Variants in ACTR3C observed in about 807,000 individuals in gnomAD.
ACTR3C encodes actin-related protein 3C.
ACTR3C carries 18 observed loss-of-function variants against 26.3 expected under a neutral mutation model. The observed-to-expected ratio is 0.68, with a 90% CI of 0.47 to 1.01. The LOEUF (loss-of-function observed/expected upper bound fraction) is 1.01. ACTR3C is among the 50% of genes least tolerant of loss of function. ACTR3C has a pLI of 0.00. For synonymous variants in ACTR3C, 55 were observed against 94.5 expected, an observed-to-expected ratio of 0.58 and a Z score of 2.42; for missense variants, 184 against 250.7, an observed-to-expected ratio of 0.73 and a Z score of 1.80.
chr7:149,929,140 C>T, the ACTR3C span, among the ~76,000 whole-genome samples: 1 of 152,140 alleles, frequency 6.6e-6, no homozygotes, highest in South Asian at 2.1e-4. Context: ...GCAAGAATCA[C>T]CAATGGACCA....
At chr7:150,278,616 C>A (rs1177126553) in intron 6 of ACTR3C, among the ~76,000 whole-genome samples, 1 of 152,240 alleles carries the variant, frequency 6.6e-6, no homozygotes, top group East Asian at 1.9e-4. Flanking sequence ...CCATCCACAT[C>A]TCCACCGGCC....
the ACTR3C span, among the ~76,000 whole-genome samples, chr7:150,018,940 C>T: frequency 6.6e-6 from 1 of 150,410 alleles, no homozygotes; most frequent in East Asian, 1.9e-4. Flanking sequence ...TACATATGCA[C>T]TGAAGTTTGA....
chr7:149,906,459 C>T, the ACTR3C span, among the ~76,000 whole-genome samples: 7 of 124,734 alleles, frequency 5.6e-5, no homozygotes, highest in East Asian at 2.1e-4. Flanking sequence ...TTAGATGGAG[C>T]CTCACTCTGT....
chr7:150,106,037 G>GA, the ACTR3C span, among the ~76,000 whole-genome samples: 9 of 151,990 alleles, frequency 5.9e-5, no homozygotes, highest in Admixed American at 2.0e-4. Context: ...AAACAAAACA[G>GA]AAAAATAAGC....
chr7:150,222,438 G>A, the ACTR3C span, among the ~76,000 whole-genome samples: 1 of 152,228 alleles, frequency 6.6e-6, no homozygotes, highest in African/African-American at 2.4e-5. Context: ...ATAGTAGTAG[G>A]TGTTCATCAG....
At chr7:150,310,947 G>A (rs73170169) in intron 1 of ACTR3C, among the ~76,000 whole-genome samples, 29,931 of 151,952 alleles carry the variant, frequency 0.2, 3,795 homozygotes, top group East Asian at 0.31. Flanking sequence ...TCTCGGCATA[G>A]TCCTCCATCA....
chr7:150,176,818 A>G, the ACTR3C span, among the ~76,000 whole-genome samples: 1 of 150,984 alleles, frequency 6.6e-6, no homozygotes, highest in Non-Finnish European at 1.5e-5. Flanking sequence ...AATAATAAAG[A>G]TGCTTTTAAA....
chr7:149,928,175 G>A, the ACTR3C span, among the ~76,000 whole-genome samples: 1 of 150,834 alleles, frequency 6.6e-6, no homozygotes, highest in Admixed American at 6.6e-5. Context: ...AATACAAAAA[G>A]ATATCCTTGC....
the ACTR3C span, among the ~76,000 whole-genome samples, chr7:150,112,454 T>C: frequency 6.6e-6 from 1 of 152,204 alleles, no homozygotes; most frequent in Non-Finnish European, 1.5e-5. Context: ...ATCCACTTTC[T>C]GATGGGTCGC....
At chr7:149,908,177 C>T in the ACTR3C span, among the ~76,000 whole-genome samples, 2 of 152,218 alleles carry the variant, frequency 1.3e-5, no homozygotes, top group Non-Finnish European at 2.9e-5. Flanking sequence ...CTCTGCAGGC[C>T]GTGGGGAGAG....
At chr7:149,991,595 A>G in the ACTR3C span, among the ~76,000 whole-genome samples, 2 of 152,214 alleles carry the variant, frequency 1.3e-5, no homozygotes, top group Admixed American at 6.5e-5. Flanking sequence ...CTCCTCATTA[A>G]TGATGTCATC....
chr7:150,110,851 T>G, the ACTR3C span, among the ~76,000 whole-genome samples: 1 of 33,774 alleles, frequency 3.0e-5, no homozygotes, highest in Non-Finnish European at 5.3e-5. Context: ...GTTGGGGGTG[T>G]GGCTCTTAGG....
the ACTR3C span, among the ~76,000 whole-genome samples, chr7:149,964,275 T>C: frequency 6.6e-6 from 1 of 152,308 alleles, no homozygotes; most frequent in African/African-American, 2.4e-5. Flanking sequence ...GATGTTATCC[T>C]TTAGGCAGTG....
chr7:150,000,673 G>A, the ACTR3C span: 6 of 124,166 alleles, frequency 4.8e-5, no homozygotes, highest in East Asian at 1.3e-3. Context: ...AGGTTCTAAT[G>A]TTGCCTCTGA....
the ACTR3C span, among the ~76,000 whole-genome samples, chr7:149,956,043 T>A: frequency 4.6e-5 from 7 of 152,216 alleles, no homozygotes; most frequent in Non-Finnish European, 8.8e-5. Flanking sequence ...TTTATTTATG[T>A]ATTAACTGAT....
At chr7:150,021,853 C>A in the ACTR3C span, among the ~76,000 whole-genome samples, 1 of 151,638 alleles carries the variant, frequency 6.6e-6, no homozygotes, top group African/African-American at 2.4e-5. Context: ...ACCACATTTT[C>A]TTTCTCTACT....
At chr7:149,945,913 G>A in the ACTR3C span, among the ~76,000 whole-genome samples, 1 of 152,284 alleles carries the variant, frequency 6.6e-6, no homozygotes, top group East Asian at 1.9e-4. Flanking sequence ...CGGAGTCCCG[G>A]CAGGAAGCAG....
the ACTR3C span, among the ~76,000 whole-genome samples, chr7:150,038,520 T>C: frequency 6.9e-6 from 1 of 144,500 alleles, no homozygotes; most frequent in African/African-American, 2.7e-5. Context: ...CAGTTTGGGA[T>C]CCACAGCCTA....
At chr7:150,305,388 CTG>C (rs758211683) in intron 1 of ACTR3C, among the ~76,000 whole-genome samples, 73 of 152,250 alleles carry the variant, frequency 4.8e-4, no homozygotes, top group Non-Finnish European at 8.2e-4. Context: ...CTTCAAGACT[CTG>C]TGTGCCATAG....
Sources: allele counts gnomAD v4.1 joint callset (sites outside exome capture counted in the v4.1 genomes callset), GRCh38; gene constraint gnomAD v4.1.1; transcripts MANE v1.5; gene names NCBI Gene and HGNC (gene_info 2026-07-23, HGNC 2026-07-21).